The following KLHL1 variants were observed in gnomAD, a reference collection of about 807,000 sequenced individuals.
KLHL1 encodes the protein kelch like family member 1.
KLHL1 carries 47 observed loss-of-function variants against 77.7 expected under a neutral mutation model. That is an observed-to-expected ratio of 0.60 (90% confidence interval 0.48 to 0.77). The LOEUF is 0.77. KLHL1 is among the 30% of genes least tolerant of loss of function. The probability of loss-of-function intolerance (pLI) is 0.00; values close to 1 mark genes in which losing one functional copy is unlikely to be tolerated. For synonymous variants in KLHL1, 360 were observed against 325.2 expected (o/e 1.11, Z -1.15); for missense variants, 925 against 910.8 (o/e 1.02, Z -0.20).
chr13:69,921,151 T>C (rs530037731), intron 4 of KLHL1, among the ~76,000 whole-genome samples: 2 of 152,322 alleles, frequency 1.3e-5, no homozygotes, highest in South Asian at 4.1e-4. Context: ...GCATTTTCTT[T>C]AGAATAAACT....
At chr13:69,783,080 C>T (rs955580004) in intron 7 of KLHL1, among the ~76,000 whole-genome samples, 1 of 152,186 alleles carries the variant, frequency 6.6e-6, no homozygotes, top group Admixed American at 6.5e-5. Flanking sequence ...TGGAGTGGAC[C>T]TCTAGCAAAT....
intron 7 of KLHL1, among the ~76,000 whole-genome samples, chr13:69,790,272 A>G (rs112627006): frequency 4.5e-4 from 69 of 152,374 alleles, no homozygotes; most frequent in Middle Eastern, 3.4e-3. Flanking sequence ...AACTAAAAAT[A>G]AGGCTGGGAA....
chr13:69,922,252 G>A (rs1250603184), intron 4 of KLHL1, among the ~76,000 whole-genome samples: 3 of 152,230 alleles, frequency 2.0e-5, no homozygotes, highest in Admixed American at 2.0e-4. Flanking sequence ...GGCCTAGGAA[G>A]TTATATTTCA....
chr13:70,088,049 T>C (rs1484762192), intron 1 of KLHL1, among the ~76,000 whole-genome samples: 6 of 152,222 alleles, frequency 3.9e-5, no homozygotes, highest in African/African-American at 1.4e-4. Context: ...TAAACCTGCA[T>C]GTCCTGCACA....
At chr13:70,075,831 G>A (rs1887257446) in intron 1 of KLHL1, among the ~76,000 whole-genome samples, 1 of 147,784 alleles carries the variant, frequency 6.8e-6, no homozygotes, top group Non-Finnish European at 1.5e-5. Flanking sequence ...AAAGTCAATT[G>A]CTTTCCTATA....
At chr13:70,062,802 T>A (rs992504450) in intron 1 of KLHL1, among the ~76,000 whole-genome samples, 2 of 152,182 alleles carry the variant, frequency 1.3e-5, no homozygotes, top group Non-Finnish European at 1.5e-5. Context: ...CCAATTCATG[T>A]TCGTTTAACA....
chr13:69,914,402 CA>C (rs1261848195), intron 4 of KLHL1, among the ~76,000 whole-genome samples: 1 of 152,022 alleles, frequency 6.6e-6, no homozygotes, highest in Non-Finnish European at 1.5e-5. Flanking sequence ...ATGGAATAGA[CA>C]CGCAAAAACT....
chr13:69,969,599 C>T (rs1165043107), intron 2 of KLHL1, among the ~76,000 whole-genome samples: 1 of 151,968 alleles, frequency 6.6e-6, no homozygotes, highest in Non-Finnish European at 1.5e-5. Flanking sequence ...GCCACATCTC[C>T]ATAGAGCAAA....
chr13:69,726,733 AC>A (rs1873314072), intron 8 of KLHL1, among the ~76,000 whole-genome samples: 1 of 152,060 alleles, frequency 6.6e-6, no homozygotes. Context: ...CCAACCCAAA[AC>A]TGTCAGTTCA....
chr13:69,741,519 G>T (rs531242874), intron 7 of KLHL1, among the ~76,000 whole-genome samples: 1 of 152,210 alleles, frequency 6.6e-6, no homozygotes, highest in East Asian at 1.9e-4. Flanking sequence ...CATAGCAACA[G>T]CAATAATCAG....
intron 5 of KLHL1, among the ~76,000 whole-genome samples, chr13:69,856,163 A>C (rs930069323): frequency 7.9e-5 from 12 of 151,818 alleles, no homozygotes; most frequent in African/African-American, 2.7e-4. Flanking sequence ...CTTCTTCTGA[A>C]GCAAAGGACA....
chr13:69,931,062 G>A (rs954256284), intron 4 of KLHL1, among the ~76,000 whole-genome samples: 15 of 148,156 alleles, frequency 1.0e-4, no homozygotes, highest in African/African-American at 2.6e-4. Context: ...TATATCAGAC[G>A]TCAAATTAGA....
chr13:69,788,418 A>C (rs1386860902), intron 7 of KLHL1, among the ~76,000 whole-genome samples: 1 of 152,136 alleles, frequency 6.6e-6, no homozygotes, highest in African/African-American at 2.4e-5. Context: ...AGGACAAAAA[A>C]CCAAACACCA....
chr13:70,055,532 T>C (rs1257213568), intron 1 of KLHL1, among the ~76,000 whole-genome samples: 2 of 152,066 alleles, frequency 1.3e-5, no homozygotes, highest in African/African-American at 4.8e-5. Flanking sequence ...ATTGTAACAC[T>C]AAGATTGCAT....
At chr13:69,747,150 T>C (rs1252969282) in intron 7 of KLHL1, among the ~76,000 whole-genome samples, 3 of 152,102 alleles carry the variant, frequency 2.0e-5, no homozygotes, top group African/African-American at 7.2e-5. Flanking sequence ...CTGATGACTT[T>C]AAGAATTTGA....
intron 4 of KLHL1, chr13:69,894,998 A>C: frequency 2.0e-6 from 1 of 503,674 alleles, no homozygotes. Context: ...ACAAATGTAG[A>C]CACGGTGGTA....
chr13:69,772,631 A>G (rs1179143708), intron 7 of KLHL1, among the ~76,000 whole-genome samples: 1 of 152,160 alleles, frequency 6.6e-6, no homozygotes, highest in African/African-American at 2.4e-5. Context: ...TTCTCTAAAA[A>G]GTGTCTTACT....
At chr13:70,090,927 T>G (rs979929504) in intron 1 of KLHL1, among the ~76,000 whole-genome samples, 2 of 152,180 alleles carry the variant, frequency 1.3e-5, no homozygotes, top group East Asian at 3.9e-4. Context: ...TTTGGTGTTA[T>G]GTGTAATCAC....
intron 1 of KLHL1, 80 bp from the exon 2 acceptor site, chr13:69,975,882 AG>A: frequency 7.1e-7 from 1 of 1,406,924 alleles, no homozygotes; most frequent in Non-Finnish European, 9.2e-7. Flanking sequence ...AATAACATAC[AG>A]GTTTTTATCA....
Sources: allele counts gnomAD v4.1 joint callset (sites outside exome capture counted in the v4.1 genomes callset), GRCh38; gene constraint gnomAD v4.1.1; transcripts MANE v1.5; gene names NCBI Gene and HGNC (gene_info 2026-07-23, HGNC 2026-07-21).